The following RBFOX1 variants were observed in gnomAD, a reference collection of about 807,000 sequenced individuals.
RBFOX1 encodes the protein RNA binding fox-1 homolog 1, also known as RNA binding protein fox-1 homolog 1.
In RBFOX1, 8 loss-of-function variants were observed where a neutral mutation model predicts 57.7. The observed-to-expected ratio is 0.14, with a 90% CI of 0.08 to 0.25. The LOEUF (loss-of-function observed/expected upper bound fraction) is 0.25. Ranked by LOEUF, RBFOX1 falls within the 10% of genes least tolerant of loss-of-function variation. The pLI, the probability that RBFOX1 is intolerant of heterozygous loss-of-function variation, is 1.00. For missense variants in RBFOX1, 611 were observed against 548.5 expected (o/e 1.11, Z -1.14); for synonymous variants, 326 against 222.4 (o/e 1.47, Z -4.15).
chr16:7,444,977 A>C (rs1257442696), intron 4 of RBFOX1, among the ~76,000 whole-genome samples: 1 of 152,110 alleles, frequency 6.6e-6, no homozygotes. Context: ...AACATGTTCT[A>C]ACTCTTATTG....
intron 4 of RBFOX1, among the ~76,000 whole-genome samples, chr16:5,871,128 C>T (rs2057460109): frequency 6.6e-6 from 1 of 152,216 alleles, no homozygotes; most frequent in Non-Finnish European, 1.5e-5. Flanking sequence ...CCCCTCCCTG[C>T]ACCACACACA....
intron 3 of RBFOX1, among the ~76,000 whole-genome samples, chr16:5,776,637 G>A (rs1044405321): frequency 2.6e-5 from 4 of 152,228 alleles, no homozygotes; most frequent in African/African-American, 9.6e-5. Flanking sequence ...TCATCATAAA[G>A]CAATGGTGTG....
At position 5,636,373 on chromosome 16, in the gene RBFOX1, A is replaced by T. The variant is rs1011355968; in HGVS notation, c.318+37412A>T. Among the ~76,000 whole-genome samples, 28 of 152,200 alleles carry T rather than the reference A, an allele frequency of 1.8e-4. 1 individual carries two copies. Among genetic ancestry groups the T allele is most frequent in the African/African-American group, 1.9e-4 (8 of 41,454 alleles). The stretch of plus-strand genomic sequence containing the variant: ...CAAAAAAATTAAATAAATAAAAATT[A>T]AAAAACCTATTTAATAACCAGTAAG... On this transcript the variant is annotated intron_variant, in intron 3 of 19. Transcript: ENST00000641259.
intron 2 of RBFOX1, among the ~76,000 whole-genome samples, chr16:6,353,267 C>T (rs986353332): frequency 6.6e-6 from 1 of 152,070 alleles, no homozygotes; most frequent in Non-Finnish European, 1.5e-5. Flanking sequence ...ACTTGGATTT[C>T]AGCCACGTTT....
intron 3 of RBFOX1, among the ~76,000 whole-genome samples, chr16:5,816,137 G>C (rs7187057): frequency 0.68 from 103,531 of 151,674 alleles, 35,434 homozygotes; most frequent in South Asian, 0.73. Flanking sequence ...CAAACAGGGA[G>C]TCAGCATTAA....
chr16:6,514,497 A>G (rs2096329688), intron 2 of RBFOX1, among the ~76,000 whole-genome samples: 1 of 152,216 alleles, frequency 6.6e-6, no homozygotes, highest in South Asian at 2.1e-4. Flanking sequence ...AAAAGCAGCC[A>G]TCCATTCACA....
chr16:7,515,901 G>C (rs191500093), intron 4 of RBFOX1, among the ~76,000 whole-genome samples: 1 of 152,128 alleles, frequency 6.6e-6, no homozygotes, highest in Non-Finnish European at 1.5e-5. Flanking sequence ...CTGGAGTGCA[G>C]TGGTGCACTC....
chr16:6,941,312 TTC>T (rs2078455722), intron 3 of RBFOX1, among the ~76,000 whole-genome samples: 1 of 86,316 alleles, frequency 1.2e-5, no homozygotes, highest in Non-Finnish European at 2.3e-5. Flanking sequence ...CCTTCCTTCC[TTC>T]CTTCCTTCCT....
At chr16:5,945,055 G>A (rs376513924) in intron 4 of RBFOX1, among the ~76,000 whole-genome samples, 23 of 151,828 alleles carry the variant, frequency 1.5e-4, no homozygotes, top group African/African-American at 5.6e-4. Context: ...TCTTCTGGAG[G>A]GAGACTGGAG....
chr16:5,744,728 G>C (rs1047338825), intron 3 of RBFOX1, among the ~76,000 whole-genome samples: 1 of 152,170 alleles, frequency 6.6e-6, no homozygotes, highest in Non-Finnish European at 1.5e-5. Context: ...ATTTTCTTGT[G>C]ATTAAGTGAC....
chr16:6,574,596 T>A (rs1177785263), intron 2 of RBFOX1, among the ~76,000 whole-genome samples: 1 of 149,630 alleles, frequency 6.7e-6, no homozygotes, highest in Non-Finnish European at 1.5e-5. Context: ...GCCCAGCTAA[T>A]TTTTTGTATT....
At chr16:7,412,446 TTG>T (rs1462425006) in intron 4 of RBFOX1, among the ~76,000 whole-genome samples, 1 of 147,734 alleles carries the variant, frequency 6.8e-6, no homozygotes, top group Non-Finnish European at 1.5e-5. Context: ...ATAGGGGAAA[TTG>T]TGGAGTACAT....
chr16:7,236,328 G>C (rs920110916), intron 4 of RBFOX1, among the ~76,000 whole-genome samples: 2 of 152,182 alleles, frequency 1.3e-5, no homozygotes, highest in Non-Finnish European at 2.9e-5. Context: ...GGGAGAGAAG[G>C]AGATCATGTA....
intron 2 of RBFOX1, among the ~76,000 whole-genome samples, chr16:5,506,676 C>T (rs1052714948): frequency 3.9e-5 from 6 of 152,138 alleles, no homozygotes; most frequent in South Asian, 2.1e-4. Context: ...CTGGAGATGA[C>T]GCCACAGAGA....
Position 6,333,205 on chromosome 16 carries a change from G to A in RBFOX1, c.-64+16148G>A, listed in dbSNP as rs1311700565. Reference sequence around the variant, plus strand: ...CAGTCATGTGCCACCATGTCCAGCTGATTTTTGTTTTGTATTTTTCATAGT... The same window carrying A: ...CAGTCATGTGCCACCATGTCCAGCTAATTTTTGTTTTGTATTTTTCATAGT... On this transcript the variant is annotated intron_variant, in intron 2 of 15. Transcript: ENST00000550418. Among the ~76,000 whole-genome samples, 5 of 151,978 alleles carry A rather than the reference G, an allele frequency of 3.3e-5. No individual in the cohort carries two copies. The East Asian group carries it at 9.7e-4, about 29-fold the overall frequency.
chr16:7,124,382 C>G (rs1399523212), intron 4 of RBFOX1, among the ~76,000 whole-genome samples: 1 of 152,126 alleles, frequency 6.6e-6, no homozygotes, highest in East Asian at 1.9e-4. Context: ...GCACTGCACG[C>G]TAGCCCAGGT....
intron 2 of RBFOX1, among the ~76,000 whole-genome samples, chr16:6,420,948 A>G (rs1286113456): frequency 6.6e-6 from 1 of 152,206 alleles, no homozygotes; most frequent in Non-Finnish European, 1.5e-5. Context: ...AAGTGGGTGG[A>G]CTGAAGGGCT....
chr16:6,024,280 T>C (rs972054630), intron 1 of RBFOX1, among the ~76,000 whole-genome samples: 3 of 152,148 alleles, frequency 2.0e-5, no homozygotes, highest in African/African-American at 7.2e-5. Context: ...TCCTTTCTTG[T>C]AGCTTATATT....
chr16:7,405,475 C>A (rs1023727059), intron 4 of RBFOX1, among the ~76,000 whole-genome samples: 3 of 152,188 alleles, frequency 2.0e-5, no homozygotes, highest in African/African-American at 7.2e-5. Context: ...CTGGAACACT[C>A]GGGCTGTTCT....
Sources: allele counts gnomAD v4.1 joint callset (sites outside exome capture counted in the v4.1 genomes callset), GRCh38; gene constraint gnomAD v4.1.1; transcripts MANE v1.5; gene names NCBI Gene and HGNC (gene_info 2026-07-23, HGNC 2026-07-21).